The following SGCZ variants were observed in gnomAD, a reference collection of about 807,000 sequenced individuals.
SGCZ encodes the protein sarcoglycan zeta, also known as zeta-sarcoglycan.
SGCZ carries 40 observed loss-of-function variants against 41.3 expected under a neutral mutation model. The observed-to-expected ratio is 0.97, with a 90% CI of 0.75 to 1.26. The LOEUF is 1.26. Ranked by LOEUF, SGCZ falls within the 50% of genes most tolerant of loss-of-function variation. The probability of loss-of-function intolerance (pLI) is 0.00; values close to 1 mark genes in which losing one functional copy is unlikely to be tolerated. For synonymous variants in SGCZ, 206 were observed against 137.5 expected (o/e 1.50, Z -3.49); for missense variants, 552 against 369.8 (o/e 1.49, Z -4.04).
intron 2 of SGCZ, among the ~76,000 whole-genome samples, chr8:14,365,759 G>C (rs190787555): frequency 1.3e-5 from 2 of 152,044 alleles, no homozygotes; most frequent in East Asian, 1.9e-4. Flanking sequence ...TGTCCATTTT[G>C]TTTTTCCAAA....
Position 14,089,944 on chromosome 8 carries a change from G to A in SGCZ, c.*499C>T, listed in dbSNP as rs1332923047. 1 of 152,504 alleles carries A rather than the reference G, an allele frequency of 6.6e-6. No individual in the cohort carries two copies. The highest frequency in any genetic ancestry group is 1.5e-5 in the Non-Finnish European group (1 of 68,016). 9.4% of individuals were successfully genotyped at this position (152,504 alleles called of 1,614,324 possible). A position where few individuals can be genotyped will look rare whatever the true frequency, so the allele number is the denominator to read the frequency against. Reference sequence around the variant, plus strand: ...TTGAATTTAAATTTTAGTAAAGCAAGCATTACATAATGCTTTAAAATTTTA... The same window carrying A: ...TTGAATTTAAATTTTAGTAAAGCAAACATTACATAATGCTTTAAAATTTTA... On this transcript the variant is annotated 3_prime_UTR_variant, in exon 8 of 8. Coordinates refer to ENST00000382080, the MANE Select transcript of SGCZ (RefSeq NM_139167.4).
At chr8:14,502,311 G>C (rs1339257149) in intron 2 of SGCZ, among the ~76,000 whole-genome samples, 3 of 152,040 alleles carry the variant, frequency 2.0e-5, no homozygotes, top group African/African-American at 4.8e-5. Context: ...ATGAAAAATA[G>C]AAATAGAATT....
At chr8:14,832,612 G>A (rs1208376949) in intron 1 of SGCZ, among the ~76,000 whole-genome samples, 2 of 152,124 alleles carry the variant, frequency 1.3e-5, no homozygotes, top group African/African-American at 2.4e-5. Flanking sequence ...TTTAAAAAAT[G>A]TGGAAGGCAA....
intron 1 of SGCZ, among the ~76,000 whole-genome samples, chr8:14,912,247 G>A (rs1286166086): frequency 6.6e-6 from 1 of 151,890 alleles, no homozygotes; most frequent in Admixed American, 6.6e-5. Flanking sequence ...ACCTTGCTCT[G>A]GCTTGACTTA....
Position 14,912,767 on chromosome 8 carries a change from C to T in SGCZ, c.39+324818G>A, listed in dbSNP as rs113318477. ...CTCTTTTGCCAGAATGCAGAAGCTTCCAGAATTGATGAAAAATGAAACTTT... is the reference window on the plus strand; with the variant it reads ...CTCTTTTGCCAGAATGCAGAAGCTTTCAGAATTGATGAAAAATGAAACTTT... On this transcript the variant is annotated intron_variant, in intron 1 of 7. Transcript: ENST00000382080. 1.8e-3 allele frequency among the ~76,000 whole-genome samples: 279 copies of T among 152,152 alleles called. 1 individual carries two copies. Among genetic ancestry groups the T allele is most frequent in the African/African-American group, 6.4e-3 (265 of 41,546 alleles).
At chr8:14,617,285 T>C (rs1806135761) in intron 1 of SGCZ, among the ~76,000 whole-genome samples, 1 of 152,192 alleles carries the variant, frequency 6.6e-6, no homozygotes, top group Non-Finnish European at 1.5e-5. Context: ...TACAACAAAA[T>C]TGAACTTACA....
At chr8:14,721,377 A>T (rs983574942) in intron 1 of SGCZ, among the ~76,000 whole-genome samples, 2 of 152,194 alleles carry the variant, frequency 1.3e-5, no homozygotes, top group African/African-American at 4.8e-5. Context: ...AGATATCCAA[A>T]AGAGAATACC....
At chr8:14,710,235 T>TGGG (rs1469754372) in intron 1 of SGCZ, among the ~76,000 whole-genome samples, 1 of 151,512 alleles carries the variant, frequency 6.6e-6, no homozygotes, top group East Asian at 1.9e-4. Context: ...CAGGGCGTGG[T>TGGG]GGCAGGCGCC....
At chr8:14,318,434 A>T (rs770265340) in intron 3 of SGCZ, among the ~76,000 whole-genome samples, 2 of 151,932 alleles carry the variant, frequency 1.3e-5, no homozygotes, top group African/African-American at 2.4e-5. Flanking sequence ...CAAAAAAAAG[A>T]TTATTTCATA....
chr8:14,295,439 A>T (rs1800975439), intron 3 of SGCZ, among the ~76,000 whole-genome samples: 2 of 152,314 alleles, frequency 1.3e-5, no homozygotes, highest in Non-Finnish European at 2.9e-5. Context: ...TACAGAGTAT[A>T]ATTTACAATC....
chr8:14,135,344 C>G (rs564663896), intron 5 of SGCZ, among the ~76,000 whole-genome samples: 174 of 152,128 alleles, frequency 1.1e-3, no homozygotes, highest in African/African-American at 4.0e-3. Flanking sequence ...TTTAAAGGGG[C>G]TGATGTGATA....
In SGCZ at chr8:14,272,649, G is replaced by A. The variant is rs553882813; in HGVS notation, c.337-34970C>T. On this transcript the variant is annotated intron_variant, in intron 3 of 7. Transcript: ENST00000382080. ...TTCAAACTTAAACGTGTCCTGGTGT[G>A]TAGAATAAATTATGTTCATCATAAT... 3.9e-5 allele frequency among the ~76,000 whole-genome samples: 6 copies of A among 152,250 alleles called. No individual in the cohort carries two copies. The South Asian group carries it at 6.2e-4, about 16-fold the overall frequency.
chr8:14,473,384 C>T (rs1420852774), intron 2 of SGCZ, among the ~76,000 whole-genome samples: 1 of 152,112 alleles, frequency 6.6e-6, no homozygotes, highest in East Asian at 1.9e-4. Flanking sequence ...TTTGTTATCA[C>T]ATTATACATA....
intron 1 of SGCZ, among the ~76,000 whole-genome samples, chr8:14,799,087 A>C (rs1801229953): frequency 6.6e-6 from 1 of 151,944 alleles, no homozygotes; most frequent in Non-Finnish European, 1.5e-5. Flanking sequence ...GTAAATATTA[A>C]ATTAATTTTT....
intron 1 of SGCZ, among the ~76,000 whole-genome samples, chr8:14,586,609 T>C (rs1455674939): frequency 2.6e-5 from 4 of 152,198 alleles, no homozygotes; most frequent in Non-Finnish European, 4.4e-5. Context: ...ATAGTCATCA[T>C]AAATGCAAAG....
At chr8:14,229,761 C>T (rs529813274) in intron 4 of SGCZ, among the ~76,000 whole-genome samples, 78 of 152,058 alleles carry the variant, frequency 5.1e-4, no homozygotes, top group Non-Finnish European at 9.9e-4. Flanking sequence ...TTAAATGATT[C>T]CCAGGTGTTC....
intron 1 of SGCZ, among the ~76,000 whole-genome samples, chr8:14,738,815 A>G (rs1799121024): frequency 2.0e-5 from 3 of 152,060 alleles, no homozygotes; most frequent in African/African-American, 7.2e-5. Flanking sequence ...GAGTCTGAAA[A>G]TGAGAGGGAG....
At chr8:14,313,322 A>T (rs185989561) in intron 3 of SGCZ, among the ~76,000 whole-genome samples, 34 of 152,196 alleles carry the variant, frequency 2.2e-4, no homozygotes, top group African/African-American at 8.2e-4. Flanking sequence ...TAAATTAATT[A>T]ATTTATTTAT....
intron 2 of SGCZ, among the ~76,000 whole-genome samples, chr8:14,480,407 C>A (rs907203844): frequency 6.6e-6 from 1 of 152,036 alleles, no homozygotes. Flanking sequence ...CCTTCTTTGC[C>A]AAATCCACCT....
Sources: allele counts gnomAD v4.1 joint callset (sites outside exome capture counted in the v4.1 genomes callset), GRCh38; gene constraint gnomAD v4.1.1; transcripts MANE v1.5; gene names NCBI Gene and HGNC (gene_info 2026-07-23, HGNC 2026-07-21).